The following CYRIB variants were observed in gnomAD, a reference collection of about 807,000 sequenced individuals.
CYRIB encodes the protein CYFIP related Rac1 interactor B.
CYRIB carries 8 observed loss-of-function variants against 44.2 expected under a neutral mutation model. The observed-to-expected ratio is 0.18, with a 90% confidence interval of 0.11 to 0.33. The LOEUF is 0.33. Among genes scored for constraint, CYRIB ranks in the 10% least tolerant of loss-of-function variants. The pLI, the probability that CYRIB is intolerant of heterozygous loss-of-function variation, is 1.00. For missense variants in CYRIB, 185 were observed against 382.8 expected, an observed-to-expected ratio of 0.48 and a Z score of 4.31; for synonymous variants, 131 against 127.2, an observed-to-expected ratio of 1.03 and a Z score of -0.20.
intron 2 of CYRIB, among the ~76,000 whole-genome samples, chr8:129,947,160 T>C (rs2094205168): frequency 6.6e-6 from 1 of 152,144 alleles, no homozygotes; most frequent in Non-Finnish European, 1.5e-5. Context: ...CAGGTTCAAA[T>C]GATTCTCCTG....
intron 11 of CYRIB, chr8:129,843,972 A>T (rs919562949): frequency 2.0e-5 from 3 of 152,206 alleles, no homozygotes; most frequent in African/African-American, 4.8e-5. Context: ...AAGAAAAAAA[A>T]ATCCATAAAG....
intron 1 of CYRIB, among the ~76,000 whole-genome samples, chr8:129,938,247 C>A (rs2093164282): frequency 6.6e-6 from 1 of 150,820 alleles, no homozygotes; most frequent in South Asian, 2.1e-4. Flanking sequence ...CACAAAGCTT[C>A]TGTTTCTATT....
chr8:129,902,286 T>C (rs912681193), intron 2 of CYRIB, among the ~76,000 whole-genome samples: 2 of 152,196 alleles, frequency 1.3e-5, no homozygotes, highest in Non-Finnish European at 2.9e-5. Flanking sequence ...TGGCGTGATC[T>C]TGGCTCACTG....
intron 1 of CYRIB, among the ~76,000 whole-genome samples, chr8:130,006,651 C>CATATATATATGT (rs1355489098): frequency 5.0e-5 from 5 of 100,098 alleles, no homozygotes; most frequent in African/African-American, 1.9e-4. Flanking sequence ...TATATATATA[C>CATATATATATGT]ATATATATAT....
rs144622173 is a variant in CYRIB at position 129,932,343 on chromosome 8, G to T, written c.-50+7265C>A. On this transcript the variant is annotated intron_variant, in intron 1 of 11. Transcript: ENST00000519824. Reference sequence around the variant, plus strand: ...GAAATAAAGATAGTATCTCCTTCTGGAGCAAAGGACAAGCATGCTTACTGT... The same window carrying T: ...GAAATAAAGATAGTATCTCCTTCTGTAGCAAAGGACAAGCATGCTTACTGT... 4.5e-4 allele frequency among the ~76,000 whole-genome samples: 69 copies of T among 152,184 alleles called. No homozygotes were observed. In the South Asian group the frequency reaches 1.0e-2, roughly 22 times the overall value.
chr8:129,910,884 C>A (rs2077641128), intron 1 of CYRIB, among the ~76,000 whole-genome samples: 1 of 152,218 alleles, frequency 6.6e-6, no homozygotes, highest in Non-Finnish European at 1.5e-5. Context: ...CCTTGAACTC[C>A]TGGCCTCAAG....
At chr8:129,934,310 G>A (rs931119274) in intron 1 of CYRIB, among the ~76,000 whole-genome samples, 1 of 152,152 alleles carries the variant, frequency 6.6e-6, no homozygotes, top group Non-Finnish European at 1.5e-5. Context: ...GACTAACAAT[G>A]CGGTAAATCA....
At chr8:129,857,426 G>C (rs191618462) in intron 5 of CYRIB, among the ~76,000 whole-genome samples, 62 of 152,302 alleles carry the variant, frequency 4.1e-4, no homozygotes, top group African/African-American at 1.4e-3. Context: ...ACTGAGAAGA[G>C]CATGACATAC....
At chr8:129,931,902 C>T (rs960270980) in intron 1 of CYRIB, among the ~76,000 whole-genome samples, 1 of 152,038 alleles carries the variant, frequency 6.6e-6, no homozygotes, top group African/African-American at 2.4e-5. Flanking sequence ...GCTGGGATTG[C>T]AGGCGTGAGT....
chr8:129,848,151 T>G (rs2041271009), intron 10 of CYRIB, among the ~76,000 whole-genome samples: 1 of 152,152 alleles, frequency 6.6e-6, no homozygotes. Context: ...AGTTGCCCTG[T>G]CAGTAAAGGG....
intron 2 of CYRIB, among the ~76,000 whole-genome samples, chr8:129,967,520 C>T (rs2095531530): frequency 1.3e-5 from 2 of 152,058 alleles, no homozygotes; most frequent in South Asian, 4.1e-4. Flanking sequence ...GCTGGGACTA[C>T]AGGCGCCTGC....
At chr8:129,980,074 A>G (rs2096146495) in intron 1 of CYRIB, among the ~76,000 whole-genome samples, 1 of 152,154 alleles carries the variant, frequency 6.6e-6, no homozygotes, top group African/African-American at 2.4e-5. Flanking sequence ...TAGGCTGATC[A>G]CAGCTTAAGA....
intron 2 of CYRIB, among the ~76,000 whole-genome samples, chr8:129,966,058 A>C (rs573121287): frequency 3.2e-4 from 48 of 152,216 alleles, no homozygotes; most frequent in African/African-American, 1.1e-3. Context: ...AGTTTCTACC[A>C]TGTTGGTCAG....
chr8:129,938,828 C>A (rs1328314831), intron 1 of CYRIB, among the ~76,000 whole-genome samples: 1 of 152,092 alleles, frequency 6.6e-6, no homozygotes, highest in East Asian at 1.9e-4. Context: ...AAAAAAGGTA[C>A]TCAGTATGAC....
At chr8:129,842,787 A>G (rs1029226906) in intron 11 of CYRIB, among the ~76,000 whole-genome samples, 4 of 152,250 alleles carry the variant, frequency 2.6e-5, no homozygotes, top group African/African-American at 9.6e-5. Context: ...AGGAGCTGTA[A>G]CAGAAACCAT....
chr8:129,984,336 G>A (rs1446568282), intron 1 of CYRIB, among the ~76,000 whole-genome samples: 1 of 152,178 alleles, frequency 6.6e-6, no homozygotes, highest in East Asian at 1.9e-4. Flanking sequence ...AGGCAGGGCT[G>A]GCAGGGAGGC....
At chr8:129,862,387 AT>A in intron 4 of CYRIB, 53 bp from the exon 7 acceptor site, 1 of 1,347,168 alleles carries the variant, frequency 7.4e-7, no homozygotes, top group Non-Finnish European at 1.0e-6. Context: ...AAAAAGGTTC[AT>A]TTTTACATTA....
intron 1 of CYRIB, among the ~76,000 whole-genome samples, chr8:129,996,452 A>T (rs955657731): frequency 2.0e-5 from 3 of 152,162 alleles, no homozygotes; most frequent in African/African-American, 7.2e-5. Context: ...AGCAGAATGG[A>T]TGTCCTGAGG....
chr8:129,933,468 C>T (rs79378504), intron 1 of CYRIB, among the ~76,000 whole-genome samples: 2,503 of 152,220 alleles, frequency 0.016, 57 homozygotes, highest in African/African-American at 0.053. Flanking sequence ...CCAGATTAAG[C>T]TAATAGGGTC....
Sources: gnomAD v4.1 joint callset for allele counts (sites outside exome capture counted in the v4.1 genomes callset) on GRCh38, gnomAD v4.1.1 for gene constraint, MANE v1.5 for transcripts, NCBI Gene and HGNC (gene_info 2026-07-23, HGNC 2026-07-21) for gene names.